ADAMTS19: variants seen among roughly 807,000 people sequenced by gnomAD.
ADAMTS19 encodes ADAM metallopeptidase with thrombospondin type 1 motif 19, also known as A disintegrin and metalloproteinase with thrombospondin motifs 19.
ADAMTS19 carries 93 observed loss-of-function variants against 153.3 expected under a neutral mutation model. The ratio of observed to expected loss-of-function variants is 0.61; its 90% confidence interval spans 0.51 to 0.72. ADAMTS19 has a LOEUF of 0.72. Ranked by LOEUF, ADAMTS19 falls within the 30% of genes least tolerant of loss-of-function variation. The pLI is 0.00. For synonymous variants in ADAMTS19, 600 were observed against 556.6 expected (o/e 1.08, Z -1.10); for missense variants, 1,482 against 1,552.1 (o/e 0.95, Z 0.76).
Position 129,648,832 on chromosome 5 carries a change from A to G in ADAMTS19, c.2038A>G (p.Arg680Gly), listed in dbSNP as rs536424334. 111 of 1,613,962 alleles carry G rather than the reference A, an allele frequency of 6.9e-5. No homozygotes were observed. In the East Asian group the frequency reaches 2.3e-3, roughly 33 times the overall value. Residue 680 changes from arginine to glycine, a missense_variant, in exon 13 of 23, where the codon AGA (arginine) becomes GGA (glycine). Around this residue, in one of 2 missense-constraint regions of ADAMTS19, gnomAD observed 616 missense variants for 724.4 expected, o/e 0.85. Coordinates refer to ENST00000274487, the MANE Select transcript of ADAMTS19 (RefSeq NM_133638.6). The part of the protein sequence containing the change: ...DSEARDCNGP[R>G]KQYRICENPP... ...TGAAGCAAGGGATTGTAATGGTCCC[A>G]GAAAACAATACAGAATATGTGAGAA...
chr5:129,550,858 A>G (rs1276402236), intron 6 of ADAMTS19, among the ~76,000 whole-genome samples: 1 of 151,678 alleles, frequency 6.6e-6, no homozygotes. Flanking sequence ...TATAGAACCT[A>G]AAAGCTTATT....
chr5:129,733,441 A>G (rs952033733), intron 21 of ADAMTS19, among the ~76,000 whole-genome samples: 1 of 152,086 alleles, frequency 6.6e-6, no homozygotes, highest in Non-Finnish European at 1.5e-5. Context: ...TCTGCAAGGA[A>G]CTCAAACAAC....
chr5:129,734,901 A>C, intron 21 of ADAMTS19, 31 bp from the exon 22 acceptor site: 1 of 1,480,600 alleles, frequency 6.8e-7, no homozygotes, highest in Non-Finnish European at 9.0e-7. Context: ...AAAATAAAAA[A>C]GAACCTAAAC....
Position 129,647,881 on chromosome 5 carries a change from G to A in ADAMTS19, c.1989G>A (p.Glu663=). The part of the protein sequence containing the change: ...RTCSAGISSR[E]RKCPGLDSEA... The stretch of plus-strand genomic sequence containing the variant: ...GCAGTGCTGGGATCAGCAGTCGAGA[G>A]CGCAAATGTCCTGGGTAAACTCAAA... Residue 663 remains glutamate, a synonymous_variant, in exon 12 of 23, where the codon GAG becomes GAA. Coordinates refer to ENST00000274487, the MANE Select transcript of ADAMTS19 (RefSeq NM_133638.6). The A allele has an allele frequency of 4.3e-6, 7 of 1,613,176 alleles. No individual in the cohort carries two copies. Among genetic ancestry groups the A allele is most frequent in the East Asian group, 2.2e-5 (1 of 44,870 alleles).
chr5:129,733,434 G>A (rs1026547080), intron 21 of ADAMTS19, among the ~76,000 whole-genome samples: 1 of 151,736 alleles, frequency 6.6e-6, no homozygotes, highest in Non-Finnish European at 1.5e-5. Flanking sequence ...CTCAGAATCT[G>A]CAAGGAACTC....
At chr5:129,595,840 GTCT>G (rs1435728888) in intron 7 of ADAMTS19, among the ~76,000 whole-genome samples, 3 of 151,940 alleles carry the variant, frequency 2.0e-5, no homozygotes, top group Non-Finnish European at 2.9e-5. Context: ...TCAAGTATAT[GTCT>G]TCATTAGTAA....
chr5:129,496,004 T>C (rs1176496957), intron 2 of ADAMTS19, among the ~76,000 whole-genome samples: 4 of 152,094 alleles, frequency 2.6e-5, no homozygotes, highest in Non-Finnish European at 5.9e-5. Context: ...TCAAATGTGT[T>C]CTTTAAGTTC....
intron 6 of ADAMTS19, among the ~76,000 whole-genome samples, chr5:129,545,829 G>A (rs1187724739): frequency 7.3e-5 from 11 of 150,496 alleles, no homozygotes; most frequent in Non-Finnish European, 1.3e-4. Flanking sequence ...TCAGTGTGGC[G>A]ATTCCTCAGG....
At position 129,737,371 on chromosome 5, in the gene ADAMTS19, T is replaced by C; in HGVS notation, c.*153T>C. The C allele has an allele frequency of 1.3e-6, 1 of 747,224 alleles. No individual in the cohort carries two copies. Among genetic ancestry groups the C allele is most frequent in the Non-Finnish European group, 1.9e-6 (1 of 533,730 alleles). The allele number at this position is 747,224 out of a possible 1,614,324, so 46.3% of individuals were successfully genotyped here. A position where few individuals can be genotyped will look rare whatever the true frequency, so the allele number is the denominator to read the frequency against. ...GCCTGCCAAACATCCAATGTGGTGC[T>C]TGTTTTGGTTACACAAACATTTTGA... On this transcript the variant is annotated 3_prime_UTR_variant, in exon 23 of 23. Transcript: ENST00000274487.
intron 6 of ADAMTS19, among the ~76,000 whole-genome samples, chr5:129,540,922 A>G (rs1216110192): frequency 6.6e-6 from 1 of 152,114 alleles, no homozygotes; most frequent in African/African-American, 2.4e-5. Context: ...ACATGAGCCA[A>G]AAATGAGAGA....
At chr5:129,694,883 C>T (rs1755488771) in intron 19 of ADAMTS19, 28 bp downstream of exon 19, 2 of 1,496,788 alleles carry the variant, frequency 1.3e-6, no homozygotes, top group South Asian at 1.4e-5. Flanking sequence ...GCCCTTAAAG[C>T]ATTATTTGTC....
chr5:129,622,355 A>G lies in ADAMTS19; in HGVS notation c.1770+7A>G. The G allele has an allele frequency of 6.2e-7, 1 of 1,613,880 alleles. No individual in the cohort carries two copies. The highest frequency in any genetic ancestry group is 1.1e-5 in the South Asian group (1 of 91,068). On this transcript the variant is annotated splice_region_variant and intron_variant, in intron 10 of 22. Coordinates refer to ENST00000274487, the MANE Select transcript of ADAMTS19 (RefSeq NM_133638.6). ...TTTTTGTCAGGAGATGCAGGTAAAG[A>G]TCCAGGTGGGGATTTTGTGCGTTCA...
chr5:129,587,679 A>G (rs1290240308), intron 7 of ADAMTS19, among the ~76,000 whole-genome samples: 1 of 152,072 alleles, frequency 6.6e-6, no homozygotes, highest in African/African-American at 2.4e-5. Context: ...GAATATGGCA[A>G]TTTTCTTGAA....
intron 14 of ADAMTS19, among the ~76,000 whole-genome samples, chr5:129,657,814 TA>T (rs1753610591): frequency 1.3e-5 from 2 of 152,218 alleles, no homozygotes; most frequent in Non-Finnish European, 2.9e-5. Flanking sequence ...ACAATCACTT[TA>T]AAAGTTAAGC....
At chr5:129,479,130 T>A (rs962115210) in intron 2 of ADAMTS19, among the ~76,000 whole-genome samples, 2 of 152,038 alleles carry the variant, frequency 1.3e-5, no homozygotes, top group Non-Finnish European at 2.9e-5. Context: ...GAGGTGAAAT[T>A]TAAAGCCGTA....
Position 129,461,461 on chromosome 5 carries a change from CCCCCGCAGCCGCCCCCGT to C in ADAMTS19, c.458_475del (p.Gln153_Pro158del), listed in dbSNP as rs1749656941. 1 of 1,458,214 alleles carries C rather than the reference CCCCCGCAGCCGCCCCCGT, an allele frequency of 6.9e-7. No homozygotes were observed. Among genetic ancestry groups the C allele is most frequent in the African/African-American group, 1.5e-5 (1 of 67,476 alleles). The allele number at this position is 1,458,214 out of a possible 1,614,324, so 90.3% of individuals were successfully genotyped here. A position where few individuals can be genotyped will look rare whatever the true frequency, so the allele number is the denominator to read the frequency against. On this transcript the variant is annotated inframe_deletion, in exon 2 of 23. Transcript: ENST00000274487. This position sits in a 1 kb window ranked among gnomAD's most constrained non-coding sequence, Gnocchi z 4.6. ...CCCGGCCTCGTGGCAGCCGCCGCCT[CCCCCGCAGCCGCCCCCGT>C]CCCCGCCCCCGGCCCAGCATGCCGA...
intron 6 of ADAMTS19, among the ~76,000 whole-genome samples, chr5:129,534,093 T>A (rs1182144046): frequency 6.6e-6 from 1 of 152,176 alleles, no homozygotes; most frequent in Non-Finnish European, 1.5e-5. Context: ...TGGAGAGTTC[T>A]GTAGATGTCT....
intron 6 of ADAMTS19, among the ~76,000 whole-genome samples, chr5:129,544,065 C>A (rs1752760461): frequency 6.6e-6 from 1 of 152,118 alleles, no homozygotes; most frequent in African/African-American, 2.4e-5. Flanking sequence ...GCATAGTCAT[C>A]TCTTTCAGAA....
intron 7 of ADAMTS19, among the ~76,000 whole-genome samples, chr5:129,576,236 A>G (rs895918740): frequency 6.6e-6 from 1 of 152,032 alleles, no homozygotes; most frequent in Non-Finnish European, 1.5e-5. Context: ...CCTGTGATTG[A>G]ATCTCCTTTC....
Sources: allele counts gnomAD v4.1 joint callset (sites outside exome capture counted in the v4.1 genomes callset), GRCh38; gene constraint gnomAD v4.1.1; regional missense constraint gnomAD v4.1.1; non-coding constraint Gnocchi (gnomAD v3.1); transcripts MANE v1.5; gene names NCBI Gene and HGNC (gene_info 2026-07-23, HGNC 2026-07-21).